Variants in PLPPR1 observed in about 807,000 individuals in gnomAD.
PLPPR1 encodes the protein phospholipid phosphatase-related protein type 1.
PLPPR1 carries 10 observed loss-of-function variants against 33.1 expected under a neutral mutation model. That is an observed-to-expected ratio of 0.30 (90% confidence interval 0.19 to 0.51). The LOEUF is 0.51. PLPPR1 is among the 20% of genes least tolerant of loss of function. PLPPR1 has a pLI of 0.97. For synonymous variants in PLPPR1, 151 were observed against 151.0 expected (o/e 1.00, Z 0.00); for missense variants, 304 against 408.1 (o/e 0.74, Z 2.20).
intron 4 of PLPPR1, among the ~76,000 whole-genome samples, chr9:101,301,452 A>T (rs796893389): frequency 1.9e-4 from 29 of 152,330 alleles, no homozygotes; most frequent in African/African-American, 6.7e-4. Flanking sequence ...TCACCCTGTG[A>T]TACAAGGCAT....
chr9:101,045,181 C>G (rs1830129833), intron 1 of PLPPR1, among the ~76,000 whole-genome samples: 1 of 152,106 alleles, frequency 6.6e-6, no homozygotes, highest in Non-Finnish European at 1.5e-5. Context: ...GTCTCAATGC[C>G]CTCGACCTCT....
At position 101,317,483 on chromosome 9, in the gene PLPPR1, C is replaced by A; in HGVS notation, c.932C>A (p.Thr311Asn). The A allele has an allele frequency of 6.2e-7, 1 of 1,613,812 alleles. No homozygotes were observed. The highest frequency in any genetic ancestry group is 8.5e-7 in the Non-Finnish European group (1 of 1,179,908). ...CCAAGGATAGAAAGCCCTCTGGAAACCTTAAGTGCACAGGTATGGTAAAGC... is the reference window on the plus strand; with the variant it reads ...CCAAGGATAGAAAGCCCTCTGGAAAACTTAAGTGCACAGGTATGGTAAAGC... ...AFPRIESPLE[T>N]LSAQNHSASM... Residue 311 changes from threonine to asparagine, a missense_variant, in exon 7 of 8, where the codon ACC (threonine) becomes AAC (asparagine). Thr to Asn is a moderately conservative substitution (Grantham distance 65). Transcript: ENST00000374874.
chr9:101,211,164 C>T (rs1826683701), intron 2 of PLPPR1, among the ~76,000 whole-genome samples: 1 of 152,126 alleles, frequency 6.6e-6, no homozygotes, highest in South Asian at 2.1e-4. Flanking sequence ...CAAGGGGTCA[C>T]CTACTCAGTC....
intron 2 of PLPPR1, among the ~76,000 whole-genome samples, chr9:101,226,572 C>T (rs1036352778): frequency 2.0e-5 from 3 of 152,074 alleles, no homozygotes; most frequent in African/African-American, 7.2e-5. Flanking sequence ...CTGTCTTCTC[C>T]TTGTGTTCTT....
chr9:101,094,182 G>A (rs1028462532), intron 1 of PLPPR1, among the ~76,000 whole-genome samples: 1 of 152,192 alleles, frequency 6.6e-6, no homozygotes, highest in Non-Finnish European at 1.5e-5. Context: ...GACCTTCAGT[G>A]GCTCCCTATT....
Position 101,084,349 on chromosome 9 carries a change from C to T in PLPPR1, c.-46+55247C>T, listed in dbSNP as rs539667527. On this transcript the variant is annotated intron_variant, in intron 1 of 7. Transcript: ENST00000374874. ...ATGCATCACCAGATGCCTATGGAGG[C>T]GGTTCCCTAAGAGTGAAAGCAGTGT... Among the ~76,000 whole-genome samples the T allele has an allele frequency of 1.4e-4, 21 of 152,246 alleles. 1 individual carries two copies. The South Asian group carries it at 2.1e-3, about 15-fold the overall frequency.
chr9:101,053,559 G>A (rs377755774), intron 1 of PLPPR1, among the ~76,000 whole-genome samples: 35 of 152,274 alleles, frequency 2.3e-4, no homozygotes, highest in African/African-American at 7.0e-4. Context: ...TGCCCTAACA[G>A]GGTATTCATG....
intron 1 of PLPPR1, among the ~76,000 whole-genome samples, chr9:101,169,569 T>C (rs1255994645): frequency 6.6e-6 from 1 of 152,096 alleles, no homozygotes; most frequent in African/African-American, 2.4e-5. Context: ...ACCTGCTGAG[T>C]TTTGTGGTTG....
At chr9:101,171,401 A>G (rs901837880) in intron 1 of PLPPR1, among the ~76,000 whole-genome samples, 5 of 152,130 alleles carry the variant, frequency 3.3e-5, no homozygotes, top group Non-Finnish European at 7.4e-5. Context: ...GTTTGCAAAG[A>G]TTTGACTAAA....
chr9:101,256,897 C>T (rs1212835888), intron 2 of PLPPR1, among the ~76,000 whole-genome samples: 2 of 152,094 alleles, frequency 1.3e-5, no homozygotes. Context: ...TGCCTGTAAA[C>T]AGGTTGCTTC....
At chr9:101,041,391 A>T (rs1232491274) in intron 1 of PLPPR1, among the ~76,000 whole-genome samples, 1 of 152,226 alleles carries the variant, frequency 6.6e-6, no homozygotes, top group East Asian at 1.9e-4. Context: ...GTCTACAACA[A>T]AATAAGCAAA....
At chr9:101,087,388 A>C (rs1024088746) in intron 1 of PLPPR1, among the ~76,000 whole-genome samples, 3 of 152,042 alleles carry the variant, frequency 2.0e-5, no homozygotes, top group African/African-American at 7.2e-5. Context: ...TGTCATCTTC[A>C]TTTTTCTACT....
intron 1 of PLPPR1, among the ~76,000 whole-genome samples, chr9:101,124,616 C>T (rs1831221979): frequency 6.6e-6 from 1 of 152,076 alleles, no homozygotes; most frequent in African/African-American, 2.4e-5. Flanking sequence ...AGAAACAGGC[C>T]CCTTCTAACA....
chr9:101,280,153 A>G (rs1828271912), intron 3 of PLPPR1, among the ~76,000 whole-genome samples: 1 of 152,176 alleles, frequency 6.6e-6, no homozygotes, highest in Non-Finnish European at 1.5e-5. Flanking sequence ...AGAGACTACT[A>G]TGAGCAGCTA....
intron 1 of PLPPR1, among the ~76,000 whole-genome samples, chr9:101,152,084 G>A (rs1007516225): frequency 1.4e-4 from 21 of 152,086 alleles, no homozygotes; most frequent in East Asian, 3.9e-4. Flanking sequence ...TTTAATGATC[G>A]CCATTCTAAC....
At chr9:101,248,552 A>AATCAATC (rs1417564433) in intron 2 of PLPPR1, among the ~76,000 whole-genome samples, 1 of 152,060 alleles carries the variant, frequency 6.6e-6, no homozygotes, top group East Asian at 1.9e-4. Flanking sequence ...GAGAGGATAA[A>AATCAATC]AGTGAGAAAA....
At chr9:101,144,519 G>T (rs1380890124) in intron 1 of PLPPR1, among the ~76,000 whole-genome samples, 1 of 152,080 alleles carries the variant, frequency 6.6e-6, no homozygotes, top group African/African-American at 2.4e-5. Context: ...AGACTAAGGG[G>T]TGACCATGTG....
intron 2 of PLPPR1, among the ~76,000 whole-genome samples, chr9:101,263,259 G>C (rs1458305061): frequency 1.3e-5 from 2 of 152,184 alleles, no homozygotes; most frequent in Non-Finnish European, 2.9e-5. Flanking sequence ...AAGAACTCCT[G>C]TCTGGTCACT....
At chr9:101,071,624 G>GAGAGAGAGAC (rs1554723750) in intron 1 of PLPPR1, among the ~76,000 whole-genome samples, 6 of 151,646 alleles carry the variant, frequency 4.0e-5, no homozygotes, top group African/African-American at 7.3e-5. Context: ...GAGAGAGAGA[G>GAGAGAGAGAC]AGACAGACAG....
Sources: allele counts gnomAD v4.1 joint callset (sites outside exome capture counted in the v4.1 genomes callset), GRCh38; gene constraint gnomAD v4.1.1; transcripts MANE v1.5; gene names NCBI Gene and HGNC (gene_info 2026-07-23, HGNC 2026-07-21).